ABCA1: variants seen among roughly 807,000 people sequenced by gnomAD.
ABCA1 encodes phospholipid-transporting ATPase ABCA1.
Under a neutral mutation model 262.5 loss-of-function variants are expected in ABCA1, and 133 were observed. That is an observed-to-expected ratio of 0.51 (90% CI 0.44 to 0.59). The LOEUF is 0.59. Among genes scored for constraint, ABCA1 ranks in the 20% least tolerant of loss-of-function variants. The pLI, the probability that ABCA1 is intolerant of heterozygous loss-of-function variation, is 0.00. For synonymous variants in ABCA1, 1,022 were observed against 1,043.5 expected, an observed-to-expected ratio of 0.98 and a Z score of 0.40; for missense variants, 2,452 against 2,777.5, an observed-to-expected ratio of 0.88 and a Z score of 2.63.
rs563037915 is a variant in ABCA1 at position 104,898,553 on chromosome 9, T to A, written c.66+5061A>T. On this transcript the variant is annotated intron_variant, in intron 2 of 49. Transcript: ENST00000374736. Reference sequence around the variant, plus strand: ...CAGAACTAGACTCCGTCTTGAAAAATAAATAAATAAATAAATAAATAAATA... The same window carrying A: ...CAGAACTAGACTCCGTCTTGAAAAAAAAATAAATAAATAAATAAATAAATA... Among the ~76,000 whole-genome samples, 5 of 35,640 alleles carry A rather than the reference T, an allele frequency of 1.4e-4. No individual in the cohort carries two copies. In the East Asian group the frequency reaches 1.5e-3, roughly 11 times the overall value. 23.4% of individuals were successfully genotyped at this position (35,640 alleles called of 152,430 possible).
rs565754172 is a variant in ABCA1, at chr9:104,794,290, T to G, written c.5506+97A>C. On this transcript the variant is annotated intron_variant, in intron 40 of 49. Transcript: ENST00000374736. ...TGGGGGTGGGGGAACATCCTGTGCT[T>G]AGTCACCTGCTTCTTTCCAAAACAA... 12 of 1,581,968 alleles carry G rather than the reference T, an allele frequency of 7.6e-6. No individual in the cohort carries two copies. In the East Asian group the frequency reaches 2.7e-4, roughly 35 times the overall value.
At chr9:104,788,189 G>A in intron 45 of ABCA1, 135 bp from the exon 46 acceptor site, 1 of 1,209,328 alleles carries the variant, frequency 8.3e-7, no homozygotes, top group African/African-American at 1.5e-5. Flanking sequence ...CTGGTGAGGA[G>A]CCAAAGCAGG....
chr9:104,835,980 G>GT (rs1833783143), intron 11 of ABCA1, among the ~76,000 whole-genome samples: 1 of 152,176 alleles, frequency 6.6e-6, no homozygotes. Flanking sequence ...AGAGGACCAG[G>GT]AAGAACAGGT....
At chr9:104,823,220 G>T (rs1832526877) in intron 18 of ABCA1, among the ~76,000 whole-genome samples, 1 of 152,206 alleles carries the variant, frequency 6.6e-6, no homozygotes, top group South Asian at 2.1e-4. Context: ...GCCATTAAGG[G>T]GTAGCATGAA....
intron 34 of ABCA1, 58 bp downstream of exon 34, chr9:104,801,996 C>T: frequency 6.6e-7 from 1 of 1,505,390 alleles, no homozygotes. Flanking sequence ...CCAACTACTC[C>T]TATATCCCAG....
chr9:104,830,826 C>G, intron 14 of ABCA1, 99 bp downstream of exon 14: 1 of 1,384,688 alleles, frequency 7.2e-7, no homozygotes, highest in Non-Finnish European at 1.0e-6. Context: ...CATCTTATTT[C>G]CAGATCATTC....
At chr9:104,915,898 A>G (rs1841812984) in intron 1 of ABCA1, among the ~76,000 whole-genome samples, 1 of 152,122 alleles carries the variant, frequency 6.6e-6, no homozygotes, top group African/African-American at 2.4e-5. Context: ...CCCAAAACGG[A>G]GTGCCATCTG....
chr9:104,793,219 AACACC>A lies in ABCA1; in HGVS notation c.5583_5587del (p.Val1862LeufsTer27), dbSNP rs1406443039. The A allele has an allele frequency of 6.2e-7, 1 of 1,614,090 alleles. No individual in the cohort carries two copies. The highest frequency in any genetic ancestry group is 2.2e-5 in the East Asian group (1 of 44,864). On this transcript the variant is annotated frameshift_variant, in exon 41 of 50. Coordinates refer to ENST00000374736, the MANE Select transcript of ABCA1 (RefSeq NM_005502.4). LOFTEE classifies it high-confidence loss of function. ...CTGGATCAGAACAGTAATGAGGAAG[AACACC>A]ACCCCTTCCACGGCCATGGCGAAGA... is the stretch of plus-strand genomic sequence containing the variant.
At position 104,796,345 on chromosome 9, in the gene ABCA1, T is replaced by C. The variant is rs1829897192; in HGVS notation, c.5201A>G (p.Asn1734Ser). The C allele has an allele frequency of 8.7e-6, 14 of 1,614,192 alleles. No individual in the cohort carries two copies. Among genetic ancestry groups the C allele is most frequent in the Non-Finnish European group, 1.2e-5 (14 of 1,180,030 alleles). ...AAGTAGAAGGGCTAGCACAGGCAGA[T>C]TGGTGGAGGACACATAGGACTTCTG... ...FQQKSYVSST[N>S]LPVLALLLLL... The change falls in exon 38 of 50, where the codon AAT becomes AGT. Residue 1734 changes from asparagine to serine, a missense_variant. This residue lies in a region of ABCA1 where 752 missense variants were observed against 944.5 expected (regional missense o/e 0.80). Coordinates refer to ENST00000374736, the MANE Select transcript of ABCA1 (RefSeq NM_005502.4).
intron 47 of ABCA1, 49 bp downstream of exon 47, chr9:104,786,824 G>C: frequency 6.7e-7 from 1 of 1,484,400 alleles, no homozygotes; most frequent in Non-Finnish European, 9.4e-7. Context: ...TATTCTACTT[G>C]GAAAGTTAAA....
chr9:104,871,039 G>A (rs950658472), intron 5 of ABCA1, among the ~76,000 whole-genome samples: 2 of 152,196 alleles, frequency 1.3e-5, no homozygotes, highest in African/African-American at 4.8e-5. Context: ...GGCCATCTGG[G>A]CGTATATGTG....
At chr9:104,850,380 C>T (rs1202024270) in intron 7 of ABCA1, among the ~76,000 whole-genome samples, 2 of 152,170 alleles carry the variant, frequency 1.3e-5, no homozygotes. Context: ...CCTCAGACTC[C>T]CAAAGTGCTG....
At chr9:104,846,183 G>A (rs1834858606) in intron 7 of ABCA1, among the ~76,000 whole-genome samples, 2 of 152,048 alleles carry the variant, frequency 1.3e-5, no homozygotes, top group Non-Finnish European at 1.5e-5. Flanking sequence ...CATTAGAACA[G>A]GGAAAAGATA....
intron 1 of ABCA1, among the ~76,000 whole-genome samples, chr9:104,923,490 A>T (rs910240250): frequency 3.9e-5 from 6 of 152,240 alleles, no homozygotes; most frequent in Admixed American, 3.9e-4. Flanking sequence ...ACCCACTCAC[A>T]GCAACAAGGA....
intron 7 of ABCA1, among the ~76,000 whole-genome samples, chr9:104,851,936 G>A (rs575828398): frequency 1.3e-5 from 2 of 152,286 alleles, no homozygotes; most frequent in East Asian, 3.9e-4. Flanking sequence ...CAATTAAAAT[G>A]CAACTGAAAA....
At chr9:104,794,052 C>G (rs187018389) in intron 40 of ABCA1, among the ~76,000 whole-genome samples, 1 of 152,184 alleles carries the variant, frequency 6.6e-6, no homozygotes, top group Non-Finnish European at 1.5e-5. Context: ...CCCTGATCAC[C>G]TAATTCTCAA....
intron 24 of ABCA1, among the ~76,000 whole-genome samples, chr9:104,816,914 C>T (rs1831825534): frequency 6.6e-6 from 1 of 152,166 alleles, no homozygotes; most frequent in Admixed American, 6.5e-5. Flanking sequence ...ACATATGCTA[C>T]TGGTGACACT....
intron 28 of ABCA1, among the ~76,000 whole-genome samples, 186 bp downstream of exon 28, chr9:104,812,388 T>A (rs1322333336): frequency 6.6e-6 from 1 of 152,194 alleles, no homozygotes; most frequent in East Asian, 1.9e-4. Flanking sequence ...ATGAGGAGAT[T>A]GAGGCATAGA....
intron 1 of ABCA1, among the ~76,000 whole-genome samples, chr9:104,912,619 G>A (rs532606010): frequency 1.3e-5 from 2 of 152,196 alleles, no homozygotes; most frequent in African/African-American, 4.8e-5. Flanking sequence ...ATAGAACTAC[G>A]AAGAAACTCT....
Sources: allele counts gnomAD v4.1 joint callset (sites outside exome capture counted in the v4.1 genomes callset), GRCh38; gene constraint gnomAD v4.1.1; regional missense constraint gnomAD v4.1.1; transcripts MANE v1.5; gene names NCBI Gene and HGNC (gene_info 2026-07-23, HGNC 2026-07-21).